MED15: variants seen among roughly 807,000 people sequenced by gnomAD.
MED15 encodes mediator complex subunit 15.
MED15 carries 41 observed loss-of-function variants against 118.7 expected under a neutral mutation model. That is an observed-to-expected ratio of 0.35 (90% CI 0.27 to 0.45). MED15 has a LOEUF of 0.45. MED15 is among the 20% of genes least tolerant of loss of function. The probability of loss-of-function intolerance (pLI) is 1.00; values close to 1 mark genes in which losing one functional copy is unlikely to be tolerated. For synonymous variants in MED15, 436 were observed against 413.9 expected (o/e 1.05, Z -0.65); for missense variants, 740 against 1,025.5 (o/e 0.72, Z 3.80).
chr22:20,586,505 G>A (rs1484705885), intron 17 of MED15, 63 bp from the exon 18 acceptor site: 46 of 1,583,320 alleles, frequency 2.9e-5, no homozygotes, highest in African/African-American at 8.0e-5. Context: ...GAGCACTGCC[G>A]GGTGTGCCAG....
At chr22:20,523,630 TCTC>T (rs1330456040) in intron 1 of MED15, 12 of 984,726 alleles carry the variant, frequency 1.2e-5, no homozygotes, top group African/African-American at 5.3e-5. Context: ...GGTTGGCAGA[TCTC>T]CTCCTTGCCA....
At chr22:20,553,312 G>A (rs1186921730) in intron 4 of MED15, 138 bp downstream of exon 4, 1 of 885,172 alleles carries the variant, frequency 1.1e-6, no homozygotes, top group Non-Finnish European at 1.8e-6. Flanking sequence ...TCTGGAGGGA[G>A]GAGGCTGACC....
chr22:20,582,778 C>T (rs920295338), intron 10 of MED15, 31 bp downstream of exon 10: 1 of 1,593,220 alleles, frequency 6.3e-7, no homozygotes, highest in Admixed American at 1.7e-5. Context: ...CCCTCCCCAC[C>T]TGGCCCTCGA....
At chr22:20,552,611 T>C in intron 3 of MED15, 1 of 411,220 alleles carries the variant, frequency 2.4e-6, no homozygotes, top group Non-Finnish European at 5.0e-6. Context: ...AGCAGGAGGC[T>C]CAGGGCCCCA....
At chr22:20,577,648 C>T (rs1206193279) in intron 9 of MED15, among the ~76,000 whole-genome samples, 1 of 151,800 alleles carries the variant, frequency 6.6e-6, no homozygotes, top group East Asian at 1.9e-4. Flanking sequence ...CTGGTTTGTC[C>T]TCATTGCACT....
rs918905572 is a variant in MED15, at chr22:20,587,476, C to T, written c.*772C>T. ...CACCCAGAGACAGCGGGCCTGGCAG[C>T]GGGCCGGGCCATGCAGGGAGCGCCT... On this transcript the variant is annotated 3_prime_UTR_variant, in exon 18 of 18. Coordinates refer to ENST00000263205, the MANE Select transcript of MED15 (RefSeq NM_001003891.3). 3.7e-5 allele frequency: 8 copies of T among 215,796 alleles called. No homozygotes were observed. Among genetic ancestry groups the T allele is most frequent in the Admixed American group, 1.0e-4 (2 of 19,318 alleles). 13.4% of individuals were successfully genotyped at this position (215,796 alleles called of 1,614,324 possible). A position where few individuals can be genotyped will look rare whatever the true frequency, so the allele number is the denominator to read the frequency against.
intron 9 of MED15, among the ~76,000 whole-genome samples, chr22:20,581,073 C>G (rs922296513): frequency 1.3e-5 from 2 of 152,212 alleles, no homozygotes; most frequent in African/African-American, 2.4e-5. Context: ...ACCTCTGACC[C>G]AGCTGTGCTG....
At chr22:20,523,543 C>A in intron 1 of MED15, 2 of 488,566 alleles carry the variant, frequency 4.1e-6, no homozygotes, top group Non-Finnish European at 5.3e-6. Flanking sequence ...ACTGTGAGTA[C>A]TTGAGTGCAG....
chr22:20,510,886 T>G (rs908173453), intron 1 of MED15, among the ~76,000 whole-genome samples: 1 of 152,194 alleles, frequency 6.6e-6, no homozygotes, highest in Non-Finnish European at 1.5e-5. Context: ...TCACAAGTTC[T>G]AGGGATTAGG....
chr22:20,547,954 C>G (rs1017014752), intron 2 of MED15, among the ~76,000 whole-genome samples: 1 of 152,080 alleles, frequency 6.6e-6, no homozygotes, highest in Non-Finnish European at 1.5e-5. Context: ...GAGCGATGAT[C>G]GCGTCACTGC....
chr22:20,552,283 A>G (rs189917351), intron 3 of MED15, among the ~76,000 whole-genome samples: 12 of 152,246 alleles, frequency 7.9e-5, no homozygotes, highest in Admixed American at 6.5e-4. Flanking sequence ...TCCTATTTCT[A>G]TTCCCCTGTG....
At chr22:20,508,369 C>T (rs1297499046) in intron 1 of MED15, 2 of 1,304,194 alleles carry the variant, frequency 1.5e-6, no homozygotes, top group Non-Finnish European at 2.0e-6. Flanking sequence ...TCTAGCCCCT[C>T]ACCACCGACT....
intron 8 of MED15, among the ~76,000 whole-genome samples, chr22:20,570,667 A>G (rs1430648269): frequency 1.3e-5 from 2 of 149,022 alleles, no homozygotes; most frequent in East Asian, 3.9e-4. Flanking sequence ...CTGGGATTAT[A>G]GGCATGAGCC....
At chr22:20,542,009 G>T (rs149545759) in intron 2 of MED15, among the ~76,000 whole-genome samples, 1 of 152,062 alleles carries the variant, frequency 6.6e-6, no homozygotes, top group South Asian at 2.1e-4. Flanking sequence ...GGCCATGCTG[G>T]TCTTGAACTC....
In MED15 at chr22:20,566,520, ACAGCAACAGCAG is replaced by A. The variant is rs761703885; in HGVS notation, c.750_761del (p.Gln259_Gln262del). 2 of 1,603,492 alleles carry A rather than the reference ACAGCAACAGCAG, an allele frequency of 1.2e-6. No individual in the cohort carries two copies. Among genetic ancestry groups the A allele is most frequent in the Non-Finnish European group, 1.7e-6 (2 of 1,174,290 alleles). ...GAATAGCACAGCTGCAGCTCCAACAACAGCAACAGCAGCAGCAGCAGCAGCAGCAGCAGCAGC... is the reference window on the plus strand; with the variant it reads ...GAATAGCACAGCTGCAGCTCCAACAACAGCAGCAGCAGCAGCAGCAGCAGC... On this transcript the variant is annotated inframe_deletion, in exon 7 of 18. Transcript: ENST00000263205.
chr22:20,560,568 T>C (rs1478549055), intron 5 of MED15, among the ~76,000 whole-genome samples: 2 of 152,124 alleles, frequency 1.3e-5, no homozygotes, highest in East Asian at 3.9e-4. Context: ...TGGCCTATTA[T>C]TATTATTTAT....
chr22:20,561,984 A>G (rs1006894599), intron 5 of MED15, among the ~76,000 whole-genome samples: 3 of 152,082 alleles, frequency 2.0e-5, no homozygotes, highest in Non-Finnish European at 2.9e-5. Context: ...GTGAGACCCA[A>G]TCTCAATCAA....
rs745531352 is a variant in MED15 at position 20,582,916 on chromosome 22, C to T, written c.1486C>T (p.Arg496Trp). 1.2e-6 allele frequency: 2 copies of T among 1,613,726 alleles called. No homozygotes were observed. Among genetic ancestry groups the T allele is most frequent in the Non-Finnish European group, 1.7e-6 (2 of 1,180,004 alleles). The change falls in exon 11 of 18, where the codon CGG (arginine) becomes TGG (tryptophan). Residue 496 changes from arginine to tryptophan, a missense_variant. Arg to Trp is a moderately radical substitution (Grantham distance 101, BLOSUM62 -3). Transcript: ENST00000263205. ...PQPSQSPVTA[R>W]TPQNFSVPSP... is the part of the protein sequence containing the mutation. Reference sequence around the variant, plus strand: ...GCCCTCCCAGAGCCCAGTGACGGCGCGGACCCCACAGAACTTCAGTGTCCC... The same window carrying T: ...GCCCTCCCAGAGCCCAGTGACGGCGTGGACCCCACAGAACTTCAGTGTCCC...
intron 1 of MED15, among the ~76,000 whole-genome samples, chr22:20,511,988 C>CTTTTTTTTTTTTTTTTTTTTTTTTT (rs746240328): frequency 1.1e-5 from 1 of 92,200 alleles, no homozygotes; most frequent in Admixed American, 1.1e-4. Flanking sequence ...ACATTCTAAG[C>CTTTTTTTTTTTTTTTTTTTTTTTTT]TTTTTTTTTT....
Sources: allele counts gnomAD v4.1 joint callset (sites outside exome capture counted in the v4.1 genomes callset), GRCh38; gene constraint gnomAD v4.1.1; transcripts MANE v1.5; gene names NCBI Gene and HGNC (gene_info 2026-07-23, HGNC 2026-07-21).